The following PRAM1 variants were observed in gnomAD, a reference collection of about 807,000 sequenced individuals.
PRAM1 encodes the protein PML-RARA-regulated adapter molecule 1.
In PRAM1, 41 loss-of-function variants were observed where a neutral mutation model predicts 55.3. The ratio of observed to expected loss-of-function variants is 0.74; its 90% CI spans 0.58 to 0.96. PRAM1 has a LOEUF of 0.96. Among genes scored for constraint, PRAM1 ranks in the 40% least tolerant of loss-of-function variants. The pLI is 0.00. For missense variants in PRAM1, 898 were observed against 892.7 expected (o/e 1.01, Z -0.08); for synonymous variants, 401 against 387.1 (o/e 1.04, Z -0.42).
At position 8,498,776 on chromosome 19, in the gene PRAM1, C is replaced by T. The variant is rs759244523; in HGVS notation, c.1032G>A (p.Lys344=). The T allele has an allele frequency of 7.0e-6, 11 of 1,575,002 alleles. No homozygotes were observed. Among genetic ancestry groups the T allele is most frequent in the Non-Finnish European group, 7.8e-6 (9 of 1,160,936 alleles). Reference sequence around the variant, plus strand: ...GCCCCCGGCGCTCCGGCTGCAGCAGCTTCCTGGGGAGTGAGTTGAACTCGG... The same window carrying T: ...GCCCCCGGCGCTCCGGCTGCAGCAGTTTCCTGGGGAGTGAGTTGAACTCGG... ...SEPEFNSLPR[K]LLQPERRGPP... is the part of the protein sequence containing the mutation. Residue 344 remains lysine, a synonymous_variant, in exon 2 of 10, where the codon AAG becomes AAA. Transcript: ENST00000423345.
intron 4 of PRAM1, among the ~76,000 whole-genome samples, chr19:8,496,917 T>G (rs957159431): frequency 2.0e-5 from 3 of 152,016 alleles, no homozygotes; most frequent in African/African-American, 7.2e-5. Flanking sequence ...TCCCAGCTAC[T>G]GGGGAGGCTG....
rs548361159 is a variant in PRAM1, at chr19:8,498,947, C to T, written c.861G>A (p.Gln287=). The T allele has an allele frequency of 6.2e-7, 1 of 1,613,904 alleles. No homozygotes were observed. The highest frequency in any genetic ancestry group is 1.3e-5 in the African/African-American group (1 of 75,046). Residue 287 remains glutamine, a synonymous_variant, in exon 2 of 10, where the codon CAG becomes CAA. Coordinates refer to ENST00000423345, the MANE Select transcript of PRAM1 (RefSeq NM_032152.5). ...PLSDFPKKPP[Q]PELGDLTRTS... ...TCCTGGTGAGGTCCCCAAGCTCAGG[C>T]TGCGGAGGCTTCTTGGGAAAGTCAC...
At position 8,498,113 on chromosome 19, in the gene PRAM1, C is replaced by A. The variant is rs1202355903; in HGVS notation, c.1499+110G>T. The A allele has an allele frequency of 1.3e-5, 15 of 1,193,710 alleles. No homozygotes were observed. In the East Asian group the frequency reaches 3.6e-4, roughly 28 times the overall value. The allele number at this position is 1,193,710 out of a possible 1,614,324, so 73.9% of individuals were successfully genotyped here. On this transcript the variant is annotated intron_variant, in intron 3 of 9. Transcript: ENST00000423345. ...CAGGCTGTTGTCGAACTCCTGACTT[C>A]AGGAGATCCGCCCACTTCAGCCTCC... is the stretch of plus-strand genomic sequence containing the variant.
At position 8,491,151 on chromosome 19, in the gene PRAM1, G is replaced by C. The variant is rs73499680; in HGVS notation, c.1583C>G (p.Ala528Gly). ...CCTGGCGGCTTGCTGAACTGAGGGCGCTTCATCTGGGGACAGTCAGGACTC... is the reference window on the plus strand; with the variant it reads ...CCTGGCGGCTTGCTGAACTGAGGGCCCTTCATCTGGGGACAGTCAGGACTC... ...SSPSPKGRDEAPSVQQAARRP... is the reference protein window; with the variant it reads ...SSPSPKGRDEGPSVQQAARRP... Residue 528 changes from alanine (A) to glycine (G), a missense_variant, in exon 5 of 10, where the codon GCG becomes GGG. Coordinates refer to ENST00000423345, the MANE Select transcript of PRAM1 (RefSeq NM_032152.5). 1.2e-6 allele frequency: 2 copies of C among 1,610,306 alleles called. No individual in the cohort carries two copies. Among genetic ancestry groups the C allele is most frequent in the South Asian group, 2.2e-5 (2 of 90,988 alleles).
At chr19:8,494,882 C>T (rs1348383995) in intron 4 of PRAM1, among the ~76,000 whole-genome samples, 1 of 151,574 alleles carries the variant, frequency 6.6e-6, no homozygotes, top group Non-Finnish European at 1.5e-5. Flanking sequence ...ATCCACCCGC[C>T]TTGGCCTCCC....
chr19:8,495,491 G>A (rs771146896), intron 4 of PRAM1, among the ~76,000 whole-genome samples: 12 of 151,878 alleles, frequency 7.9e-5, no homozygotes, highest in African/African-American at 4.8e-5. Flanking sequence ...TCCGCCCACC[G>A]GACCTCCCAA....
intron 4 of PRAM1, among the ~76,000 whole-genome samples, chr19:8,494,376 G>A (rs549761190): frequency 2.0e-5 from 3 of 152,176 alleles, no homozygotes; most frequent in South Asian, 2.1e-4. Flanking sequence ...CCCCTAGAGC[G>A]GAAGCAGAAG....
In PRAM1 at chr19:8,490,828, G is replaced by C; in HGVS notation, c.1743+59C>G. On this transcript the variant is annotated intron_variant, in intron 6 of 9. Coordinates refer to ENST00000423345, the MANE Select transcript of PRAM1 (RefSeq NM_032152.5). The surrounding 1 kb of genome is among the most constrained non-coding windows in gnomAD (Gnocchi z 7.3). The stretch of plus-strand genomic sequence containing the variant: ...GCCCCTGTCTTCTTTCTGAGCCTGG[G>C]ATCGGTGGGACCCTGGTCTCCGCCC... 6.2e-7 allele frequency: 1 copy of C among 1,608,330 alleles called. No homozygotes were observed. The highest frequency in any genetic ancestry group is 1.1e-5 in the South Asian group (1 of 91,064).
chr19:8,493,512 C>CT lies in PRAM1; in HGVS notation c.1577-2356dup, dbSNP rs1971657621. ...TCTTGGCACCGCCATGCAGGCAGCCCTGGTTCATCCACAGCTGACCCAGAG... is the reference window on the plus strand; with the variant it reads ...TCTTGGCACCGCCATGCAGGCAGCCCTTGGTTCATCCACAGCTGACCCAGAG... On this transcript the variant is annotated intron_variant, in intron 4 of 9. Transcript: ENST00000423345. The surrounding 1 kb of genome is among the most constrained non-coding windows in gnomAD (Gnocchi z 4.1). Among the ~76,000 whole-genome samples, 1 of 150,980 alleles carries CT rather than the reference C, an allele frequency of 6.6e-6. No homozygotes were observed. Among genetic ancestry groups the CT allele is most frequent in the African/African-American group, 2.5e-5 (1 of 40,236 alleles).
rs1318282978 is a variant in PRAM1, at chr19:8,493,685, G to T, written c.1577-2528C>A. 6.6e-6 allele frequency among the ~76,000 whole-genome samples: 1 copy of T among 152,248 alleles called. No individual in the cohort carries two copies. Among genetic ancestry groups the T allele is most frequent in the Non-Finnish European group, 1.5e-5 (1 of 68,042 alleles). On this transcript the variant is annotated intron_variant, in intron 4 of 9. Transcript: ENST00000423345. The surrounding 1 kb of genome is among the most constrained non-coding windows in gnomAD (Gnocchi z 4.1). The stretch of plus-strand genomic sequence containing the variant: ...AAGTAAGGCAGACAGTGGGAAAGGG[G>T]AGTCCAGAGTCCTGGCCCCAAGAGA...
chr19:8,492,629 C>T (rs1216206664), intron 4 of PRAM1, among the ~76,000 whole-genome samples: 1 of 152,056 alleles, frequency 6.6e-6, no homozygotes, highest in Admixed American at 6.6e-5. Flanking sequence ...AGAGGCTGGC[C>T]CATGGGTACA....
rs767037943 is a variant in PRAM1, at chr19:8,498,779, C to A, written c.1029G>T (p.Arg343Ser). The change falls in exon 2 of 10, where the codon AGG becomes AGT. Residue 343 changes from arginine (R) to serine (S), a missense_variant. Around this residue, in one of 4 missense-constraint regions of PRAM1, gnomAD observed 787 missense variants for 735.4 expected, o/e 1.07. Coordinates refer to ENST00000423345, the MANE Select transcript of PRAM1 (RefSeq NM_032152.5). ...CCCGGCGCTCCGGCTGCAGCAGCTTCCTGGGGAGTGAGTTGAACTCGGGCT... is the reference window on the plus strand; with the variant it reads ...CCCGGCGCTCCGGCTGCAGCAGCTTACTGGGGAGTGAGTTGAACTCGGGCT... ...SSEPEFNSLP[R>S]KLLQPERRGP... 6.3e-7 allele frequency: 1 copy of A among 1,575,376 alleles called. No homozygotes were observed. Among genetic ancestry groups the A allele is most frequent in the African/African-American group, 1.4e-5 (1 of 73,918 alleles).
chr19:8,501,048 C>T (rs1971799483), intron 1 of PRAM1, among the ~76,000 whole-genome samples: 2 of 150,984 alleles, frequency 1.3e-5, no homozygotes, highest in South Asian at 4.2e-4. Context: ...GCTGGGATTA[C>T]AGGTGTGAGC....
Position 8,490,667 on chromosome 19 carries a change from C to G in PRAM1, c.1833G>C (p.Arg611=), listed in dbSNP as rs914293757. 1.9e-6 allele frequency: 3 copies of G among 1,594,576 alleles called. No individual in the cohort carries two copies. In the Admixed American group the frequency reaches 5.3e-5, roughly 28 times the overall value. Residue 611 remains arginine, a synonymous_variant, in exon 7 of 10, where the codon CGG becomes CGC. Coordinates refer to ENST00000423345, the MANE Select transcript of PRAM1 (RefSeq NM_032152.5). This position sits in a 1 kb window ranked among gnomAD's most constrained non-coding sequence, Gnocchi z 7.3. The part of the protein sequence containing the change: ...RRGGGKHLGI[R]RGEILEVIEF... ...CGATCACCTCCAGGATCTCCCCGCG[C>G]CGGATCCCGAGGTGCTTGCCACCCC...
Position 8,499,184 on chromosome 19 carries a change from C to A in PRAM1, c.624G>T (p.Glu208Asp). ...CAGGCTTCTTGGGAAAGGTACTCAA[C>A]TCAGGCTGCGGGGACCTCGGGGTAG... ...GEATPRSPQPELSTFPKKPAQ... is the reference protein window; with the variant it reads ...GEATPRSPQPDLSTFPKKPAQ... The change falls in exon 2 of 10, where the codon GAG becomes GAT. Residue 208 changes from glutamate (E) to aspartate (D), a missense_variant. This residue lies in a region of PRAM1 where 787 missense variants were observed against 735.4 expected (regional missense o/e 1.07). Transcript: ENST00000423345. 6.2e-7 allele frequency: 1 copy of A among 1,613,914 alleles called. No homozygotes were observed.
chr19:8,498,437 G>A lies in PRAM1; in HGVS notation c.1371C>T (p.Pro457=), dbSNP rs956098959. The A allele has an allele frequency of 1.0e-4, 160 of 1,579,948 alleles. No individual in the cohort carries two copies. The highest frequency in any genetic ancestry group is 1.4e-4 in the Non-Finnish European group (157 of 1,162,534). Residue 457 remains proline, a synonymous_variant, in exon 2 of 10, where the codon CCC becomes CCT. Coordinates refer to ENST00000423345, the MANE Select transcript of PRAM1 (RefSeq NM_032152.5). ...ASSLGHPPAK[P]PLPPGPVDMQ... ...TATCCACGGGCCCCGGGGGCAGCGG[G>A]GGCTTGGCTGGAGGGTGTCCCAGGC...
rs987832431 is a variant in PRAM1, at chr19:8,498,261, C to T, written c.1461G>A (p.Gly487=). 6 of 1,612,772 alleles carry T rather than the reference C, an allele frequency of 3.7e-6. No individual in the cohort carries two copies. Among genetic ancestry groups the T allele is most frequent in the Non-Finnish European group, 5.1e-6 (6 of 1,179,602 alleles). ...CAGGCTGTCGGTCCTGGAAGTGGAGCCCAGCGGCCGAGCGGGTCCTCCGTA... is the reference window on the plus strand; with the variant it reads ...CAGGCTGTCGGTCCTGGAAGTGGAGTCCAGCGGCCGAGCGGGTCCTCCGTA... The part of the protein sequence containing the change: ...IDLRRTRSAA[G]LHFQDRQPED... Residue 487 remains glycine (G), a synonymous_variant, in exon 3 of 10, where the codon GGG becomes GGA. Coordinates refer to ENST00000423345, the MANE Select transcript of PRAM1 (RefSeq NM_032152.5).
intron 1 of PRAM1, among the ~76,000 whole-genome samples, chr19:8,501,716 T>A (rs1971809265): frequency 1.3e-5 from 2 of 152,092 alleles, no homozygotes; most frequent in Admixed American, 1.3e-4. Context: ...AACACAGAGA[T>A]GCCTGGAGAC....
In PRAM1 at chr19:8,490,224, G is replaced by T. The variant is rs377607401; in HGVS notation, c.1978C>A (p.Pro660Thr). ...EVYDDVDFCDPLENQPLPLGR is the reference protein window; with the variant it reads ...EVYDDVDFCDTLENQPLPLGR ...AGGGGGAGTGGTTGGTTTTCCAGGG[G>T]ATCTGCCGAGGAAGCGTGACTTCCA... is the stretch of plus-strand genomic sequence containing the variant. Residue 660 changes from proline (P) to threonine (T), a missense_variant and splice_region_variant, in exon 10 of 10, where the codon CCC becomes ACC. By Grantham distance (38) the Pro-to-Thr change is conservative. Around this residue, in one of 4 missense-constraint regions of PRAM1, gnomAD observed 787 missense variants for 735.4 expected, o/e 1.07. Coordinates refer to ENST00000423345, the MANE Select transcript of PRAM1 (RefSeq NM_032152.5). The surrounding 1 kb of genome is among the most constrained non-coding windows in gnomAD (Gnocchi z 7.3). The T allele has an allele frequency of 4.2e-5, 67 of 1,602,868 alleles. 1 individual carries two copies. In the African/African-American group the frequency reaches 7.6e-4, roughly 18 times the overall value.
Sources: allele counts gnomAD v4.1 joint callset (sites outside exome capture counted in the v4.1 genomes callset), GRCh38; gene constraint gnomAD v4.1.1; regional missense constraint gnomAD v4.1.1; non-coding constraint Gnocchi (gnomAD v3.1); transcripts MANE v1.5; gene names NCBI Gene and HGNC (gene_info 2026-07-23, HGNC 2026-07-21).